TNIK: variants seen among roughly 807,000 people sequenced by gnomAD.
TNIK encodes TRAF2 and NCK-interacting protein kinase.
In TNIK, 49 loss-of-function variants were observed where a neutral mutation model predicts 191.3. The observed-to-expected ratio is 0.26, with a 90% CI of 0.20 to 0.32. TNIK has a LOEUF of 0.32. Among genes scored for constraint, TNIK ranks in the 10% least tolerant of loss-of-function variants. The pLI is 1.00. For missense variants in TNIK, 1,155 were observed against 1,702.3 expected, an observed-to-expected ratio of 0.68 and a Z score of 5.66; for synonymous variants, 594 against 600.9, an observed-to-expected ratio of 0.99 and a Z score of 0.17.
intron 1 of TNIK, among the ~76,000 whole-genome samples, chr3:171,453,004 A>G (rs1728371303): frequency 6.6e-6 from 1 of 152,174 alleles, no homozygotes; most frequent in African/African-American, 2.4e-5. Flanking sequence ...AACCTAGACT[A>G]TAATGTAATT....
At chr3:171,204,543 G>A (rs771192955) in intron 4 of TNIK, among the ~76,000 whole-genome samples, 13 of 152,098 alleles carry the variant, frequency 8.5e-5, no homozygotes, top group East Asian at 3.8e-4. Flanking sequence ...TTATACAAAC[G>A]TAATCCTAAC....
chr3:171,246,408 AATT>A (rs1745598476), intron 2 of TNIK, among the ~76,000 whole-genome samples: 2 of 152,338 alleles, frequency 1.3e-5, no homozygotes, highest in South Asian at 2.1e-4. Flanking sequence ...GTAAATGAAA[AATT>A]ATTATTAATA....
intron 2 of TNIK, among the ~76,000 whole-genome samples, chr3:171,329,872 G>C (rs1391444636): frequency 6.6e-6 from 1 of 152,164 alleles, no homozygotes; most frequent in East Asian, 1.9e-4. Context: ...TTCCAGCTTT[G>C]AGGGATGCGA....
At chr3:171,415,240 G>A (rs942010091) in intron 1 of TNIK, among the ~76,000 whole-genome samples, 8 of 151,932 alleles carry the variant, frequency 5.3e-5, no homozygotes, top group African/African-American at 1.5e-4. Flanking sequence ...AACCCCAGAC[G>A]CACTCTGCAA....
At chr3:171,221,283 C>T (rs1240691262) in intron 3 of TNIK, among the ~76,000 whole-genome samples, 1 of 152,166 alleles carries the variant, frequency 6.6e-6, no homozygotes, top group East Asian at 1.9e-4. Flanking sequence ...AAAGAGCTGT[C>T]CAGAGGGCCT....
chr3:171,331,194 G>T (rs1449271988), intron 2 of TNIK, among the ~76,000 whole-genome samples: 2 of 152,160 alleles, frequency 1.3e-5, no homozygotes, highest in Non-Finnish European at 2.9e-5. Context: ...TCTGAGTGAA[G>T]AAAGGGGCCC....
At chr3:171,401,867 G>C (rs937931723) in intron 1 of TNIK, among the ~76,000 whole-genome samples, 1 of 152,176 alleles carries the variant, frequency 6.6e-6, no homozygotes, top group Non-Finnish European at 1.5e-5. Context: ...CAAAATGAGA[G>C]CTCAATAAAT....
chr3:171,238,916 A>G (rs1744627805), intron 2 of TNIK, among the ~76,000 whole-genome samples: 1 of 152,242 alleles, frequency 6.6e-6, no homozygotes, highest in Admixed American at 6.5e-5. Context: ...AGGCAATACT[A>G]TACCCAGTGA....
intron 2 of TNIK, among the ~76,000 whole-genome samples, chr3:171,274,125 C>A (rs973288870): frequency 2.0e-5 from 3 of 152,166 alleles, no homozygotes; most frequent in Non-Finnish European, 2.9e-5. Context: ...GGCCCTCTAT[C>A]CCAGAGGAAG....
chr3:171,161,462 T>C, intron 10 of TNIK, 126 bp from the exon 11 acceptor site: 1 of 688,814 alleles, frequency 1.5e-6, no homozygotes, highest in Non-Finnish European at 2.2e-6. Context: ...GCTGGAACGG[T>C]CTCCAGGCTT....
intron 2 of TNIK, among the ~76,000 whole-genome samples, chr3:171,335,240 A>G (rs1263306251): frequency 6.6e-6 from 1 of 152,210 alleles, no homozygotes; most frequent in Non-Finnish European, 1.5e-5. Flanking sequence ...TGGACAAATA[A>G]AAGAAAATGC....
intron 1 of TNIK, among the ~76,000 whole-genome samples, chr3:171,371,647 G>A (rs1716504595): frequency 6.6e-6 from 1 of 152,110 alleles, no homozygotes; most frequent in Non-Finnish European, 1.5e-5. Flanking sequence ...ACACCCCATA[G>A]TTAGAAGACA....
chr3:171,419,531 C>T (rs1225682816), intron 1 of TNIK, among the ~76,000 whole-genome samples: 1 of 152,074 alleles, frequency 6.6e-6, no homozygotes, highest in African/African-American at 2.4e-5. Context: ...AAATAATAAA[C>T]AAATAGACAA....
intron 12 of TNIK, among the ~76,000 whole-genome samples, chr3:171,152,666 A>G (rs763759447): frequency 1.3e-5 from 2 of 152,158 alleles, no homozygotes; most frequent in Non-Finnish European, 2.9e-5. Flanking sequence ...CTCCAAGTGC[A>G]GATCTACTGA....
intron 2 of TNIK, among the ~76,000 whole-genome samples, chr3:171,340,253 A>G (rs973869539): frequency 2.7e-4 from 41 of 152,202 alleles, no homozygotes; most frequent in African/African-American, 9.2e-4. Flanking sequence ...AAGGATTTTC[A>G]TTTTCATTTT....
chr3:171,076,682 C>T (rs891800507), intron 28 of TNIK, among the ~76,000 whole-genome samples: 3 of 152,172 alleles, frequency 2.0e-5, no homozygotes, highest in Non-Finnish European at 2.9e-5. Flanking sequence ...AGCCAAAGAA[C>T]TCTAGGGCTT....
chr3:171,082,142 T>C (rs1481650491), intron 27 of TNIK, 109 bp downstream of exon 27: 6 of 1,412,818 alleles, frequency 4.2e-6, no homozygotes, highest in Admixed American at 2.2e-5. Flanking sequence ...CTATACTTTA[T>C]TGTGTTGTTT....
chr3:171,297,873 C>A (rs566007139), intron 2 of TNIK, among the ~76,000 whole-genome samples: 2 of 152,280 alleles, frequency 1.3e-5, no homozygotes, highest in African/African-American at 4.8e-5. Context: ...TTATTACATT[C>A]TCTTGTTTTG....
intron 2 of TNIK, among the ~76,000 whole-genome samples, chr3:171,253,343 T>C (rs71306699): frequency 0.018 from 2,767 of 151,746 alleles, 41 homozygotes; most frequent in Middle Eastern, 0.034. Flanking sequence ...TTCAAAGCTG[T>C]CCCTCTTGCA....
Sources: gnomAD v4.1 joint callset for allele counts (sites outside exome capture counted in the v4.1 genomes callset) on GRCh38, gnomAD v4.1.1 for gene constraint, MANE v1.5 for transcripts, NCBI Gene and HGNC (gene_info 2026-07-23, HGNC 2026-07-21) for gene names.